ANKS1B: variants seen among roughly 807,000 people sequenced by gnomAD.
The protein encoded by ANKS1B is ankyrin repeat and sterile alpha motif domain-containing protein 1B.
A neutral mutation model predicts 148.3 loss-of-function variants in ANKS1B; 36 were observed. The observed-to-expected ratio is 0.24, with a 90% confidence interval of 0.19 to 0.32. ANKS1B has a LOEUF of 0.32. ANKS1B is among the 10% of genes least tolerant of loss of function. The pLI is 1.00. For synonymous variants in ANKS1B, 542 were observed against 560.8 expected, an observed-to-expected ratio of 0.97 and a Z score of 0.47; for missense variants, 1,157 against 1,542.6, an observed-to-expected ratio of 0.75 and a Z score of 4.19.
At chr12:98,736,295 T>C (rs1190266977) in intron 9 of ANKS1B, among the ~76,000 whole-genome samples, 3 of 152,166 alleles carry the variant, frequency 2.0e-5, no homozygotes, top group African/African-American at 4.8e-5. Context: ...CAGCAGAGCT[T>C]GTGACAAGTT....
chr12:98,891,494 T>C (rs1018019398), intron 17 of ANKS1B, among the ~76,000 whole-genome samples: 1 of 152,150 alleles, frequency 6.6e-6, no homozygotes, highest in African/African-American at 2.4e-5. Flanking sequence ...ACTGGAATTA[T>C]AAGAAAGGTT....
intron 1 of ANKS1B, among the ~76,000 whole-genome samples, chr12:99,837,705 G>C (rs1463851687): frequency 1.3e-5 from 2 of 152,096 alleles, no homozygotes; most frequent in East Asian, 1.9e-4. Context: ...TGATTCCAGA[G>C]CCAATGACAT....
Position 99,254,993 on chromosome 12 carries a change from T to G in ANKS1B, c.1757-8129A>C, listed in dbSNP as rs182890981. 1.8e-3 allele frequency among the ~76,000 whole-genome samples: 268 copies of G among 152,304 alleles called. 2 individuals are homozygous for G. Among genetic ancestry groups the G allele is most frequent in the African/African-American group, 6.2e-3 (258 of 41,560 alleles). ...TTTTACCTTTTTTATTCTGTCTAGT[T>G]TTTACATGATTACTCACCTCACAGA... On this transcript the variant is annotated intron_variant, in intron 12 of 26. Coordinates refer to ENST00000683438, the MANE Select transcript of ANKS1B (RefSeq NM_001352186.2).
chr12:99,966,098 A>G (rs780136728), intron 1 of ANKS1B, among the ~76,000 whole-genome samples: 5 of 152,262 alleles, frequency 3.3e-5, no homozygotes, highest in Admixed American at 2.0e-4. Flanking sequence ...AGGAGGTATG[A>G]CAACTAAATG....
chr12:99,013,376 T>G (rs972349053), intron 17 of ANKS1B, among the ~76,000 whole-genome samples: 1 of 150,184 alleles, frequency 6.7e-6, no homozygotes, highest in Non-Finnish European at 1.5e-5. Flanking sequence ...GAAGTAGACA[T>G]AAACAATAAT....
At chr12:98,846,781 A>C (rs55711541) in intron 17 of ANKS1B, among the ~76,000 whole-genome samples, 27,330 of 152,208 alleles carry the variant, frequency 0.18, 2,663 homozygotes, top group African/African-American at 0.25. Context: ...TTCGAGTTAA[A>C]TACTACTTTT....
At chr12:99,586,698 A>T (rs1361944683) in intron 9 of ANKS1B, among the ~76,000 whole-genome samples, 1 of 152,190 alleles carries the variant, frequency 6.6e-6, no homozygotes, top group Non-Finnish European at 1.5e-5. Flanking sequence ...AAAGAGGTTT[A>T]ACTGACTCAC....
intron 9 of ANKS1B, among the ~76,000 whole-genome samples, chr12:99,530,932 C>A (rs576888176): frequency 3.1e-4 from 47 of 152,246 alleles, no homozygotes; most frequent in African/African-American, 1.1e-3. Flanking sequence ...TTAATACAAA[C>A]CCTCTCTTCC....
chr12:99,211,377 A>T (rs1002794725), intron 14 of ANKS1B, among the ~76,000 whole-genome samples: 3 of 152,194 alleles, frequency 2.0e-5, no homozygotes, highest in Non-Finnish European at 4.4e-5. Context: ...TTTAGCTGGC[A>T]GGATTAGGAA....
chr12:98,737,117 A>G (rs1016588789), intron 9 of ANKS1B, among the ~76,000 whole-genome samples: 5 of 152,154 alleles, frequency 3.3e-5, no homozygotes, highest in Admixed American at 6.5e-5. Context: ...ACATTCTGCA[A>G]TGCCATTTGA....
chr12:99,477,822 AC>A (rs2096350287), intron 10 of ANKS1B, among the ~76,000 whole-genome samples: 1 of 152,100 alleles, frequency 6.6e-6, no homozygotes, highest in Non-Finnish European at 1.5e-5. Flanking sequence ...TTCCAGGGAG[AC>A]TTGGATGTAT....
intron 12 of ANKS1B, among the ~76,000 whole-genome samples, chr12:99,293,391 C>T (rs1158291892): frequency 1.3e-5 from 2 of 152,062 alleles, no homozygotes; most frequent in Non-Finnish European, 2.9e-5. Context: ...AGGAGAAATA[C>T]CTAATATAAA....
At chr12:99,442,039 A>C (rs2095558012) in intron 11 of ANKS1B, among the ~76,000 whole-genome samples, 1 of 151,994 alleles carries the variant, frequency 6.6e-6, no homozygotes, top group African/African-American at 2.4e-5. Context: ...TTACTTAAAT[A>C]GCTTTAAAAT....
chr12:99,186,017 C>A (rs1042269899), intron 14 of ANKS1B, among the ~76,000 whole-genome samples: 4 of 152,208 alleles, frequency 2.6e-5, no homozygotes, highest in Non-Finnish European at 4.4e-5. Context: ...GCCAGCACAG[C>A]AGTCTGAAGT....
chr12:99,188,116 A>G (rs2080122829), intron 14 of ANKS1B, among the ~76,000 whole-genome samples: 1 of 152,210 alleles, frequency 6.6e-6, no homozygotes, highest in Non-Finnish European at 1.5e-5. Context: ...ACATAATGGT[A>G]AAAGGATCAA....
chr12:99,890,570 GGTGTGTGT>G (rs10603901), intron 1 of ANKS1B, among the ~76,000 whole-genome samples: 21,011 of 137,654 alleles, frequency 0.15, 1,609 homozygotes, highest in Non-Finnish European at 0.17. Context: ...TCGCATTCAT[GGTGTGTGT>G]GTGTGTGTGT....
At chr12:99,546,336 T>C (rs1440273836) in intron 9 of ANKS1B, among the ~76,000 whole-genome samples, 2 of 152,186 alleles carry the variant, frequency 1.3e-5, no homozygotes, top group Non-Finnish European at 2.9e-5. Context: ...CAAGAGTTTA[T>C]AAACTGGCTT....
intron 1 of ANKS1B, among the ~76,000 whole-genome samples, chr12:99,889,095 T>G (rs2092971211): frequency 6.6e-6 from 1 of 152,162 alleles, no homozygotes; most frequent in South Asian, 2.1e-4. Flanking sequence ...GAGAAGTGAA[T>G]GTTGGTTTTA....
intron 17 of ANKS1B, among the ~76,000 whole-genome samples, chr12:98,974,092 C>A (rs530948697): frequency 9.2e-5 from 14 of 152,154 alleles, no homozygotes; most frequent in African/African-American, 2.9e-4. Context: ...GTAGTTCAAT[C>A]TTTTGTTTTG....
Sources: gnomAD v4.1 joint callset for allele counts (sites outside exome capture counted in the v4.1 genomes callset) on GRCh38, gnomAD v4.1.1 for gene constraint, MANE v1.5 for transcripts, NCBI Gene and HGNC (gene_info 2026-07-23, HGNC 2026-07-21) for gene names.